CFAP77: variants seen among roughly 807,000 people sequenced by gnomAD.
CFAP77 encodes cilia- and flagella-associated protein 77.
A neutral mutation model predicts 31.1 loss-of-function variants in CFAP77; 25 were observed. The ratio of observed to expected loss-of-function variants is 0.80; its 90% confidence interval spans 0.59 to 1.12. CFAP77 has a LOEUF of 1.12. Ranked by LOEUF, CFAP77 falls within the 50% of genes most tolerant of loss-of-function variation. CFAP77 has a pLI of 0.00. For synonymous variants in CFAP77, 151 were observed against 159.9 expected (o/e 0.94, Z 0.42); for missense variants, 377 against 397.3 (o/e 0.95, Z 0.44).
intron 5 of CFAP77, among the ~76,000 whole-genome samples, chr9:132,559,346 C>CAAAAAAAAAAAAAAAAAAAA (rs35737685): frequency 0.033 from 1,824 of 56,024 alleles, 91 homozygotes; most frequent in Non-Finnish European, 0.043. Flanking sequence ...CTCTGTCTTG[C>CAAAAAAAAAAAAAAAAAAAA]AAAAAAAAAA....
At chr9:132,503,705 C>T (rs1295077212) in intron 3 of CFAP77, among the ~76,000 whole-genome samples, 4 of 152,166 alleles carry the variant, frequency 2.6e-5, no homozygotes, top group Non-Finnish European at 5.9e-5. Context: ...GTTCACACAA[C>T]CTCTTCATGG....
Position 132,490,552 on chromosome 9 carries a change from C to T in CFAP77, c.196-8143C>T, listed in dbSNP as rs780415224. Among the ~76,000 whole-genome samples, 12 of 152,190 alleles carry T rather than the reference C, an allele frequency of 7.9e-5. No homozygotes were observed. The highest frequency in any genetic ancestry group is 5.2e-4 in the Admixed American group (8 of 15,286). On this transcript the variant is annotated intron_variant, in intron 1 of 5. Transcript: ENST00000393216. This position sits in a 1 kb window ranked among gnomAD's most constrained non-coding sequence, Gnocchi z 4.6. ...TAGGCTTCTAGAAGGCCCCACTGGA[C>T]AAGCTGGGGAGGGAGGCCAAGGGTC...
At chr9:132,530,142 T>TC (rs1852415418) in intron 3 of CFAP77, among the ~76,000 whole-genome samples, 1 of 147,654 alleles carries the variant, frequency 6.8e-6, no homozygotes. Flanking sequence ...TTTTCTTTTT[T>TC]TTTTTTTTTT....
intron 1 of CFAP77, among the ~76,000 whole-genome samples, chr9:132,448,915 G>T (rs1850773227): frequency 6.6e-6 from 1 of 152,080 alleles, no homozygotes; most frequent in Non-Finnish European, 1.5e-5. Flanking sequence ...GAGCAGTCGG[G>T]GAGTGGAGAT....
rs1322788274 is a variant in CFAP77, at chr9:132,448,617, G to A, written c.195+38151G>A. 3.9e-5 allele frequency among the ~76,000 whole-genome samples: 6 copies of A among 152,020 alleles called. No homozygotes were observed. In the East Asian group the frequency reaches 1.2e-3, roughly 29 times the overall value. On this transcript the variant is annotated intron_variant, in intron 1 of 5. Transcript: ENST00000393216. ...TTTTTGCTTTTTGAGACAGAGTTTC[G>A]CTCTTGTTGCCCAGGCTGGAGTGCA...
At chr9:132,489,018 G>T (rs942817893) in intron 1 of CFAP77, among the ~76,000 whole-genome samples, 1 of 152,170 alleles carries the variant, frequency 6.6e-6, no homozygotes, top group Non-Finnish European at 1.5e-5. Flanking sequence ...GGAAAAAGGC[G>T]GTTTGAAGGC....
chr9:132,458,357 G>GGTGT lies in CFAP77; in HGVS notation c.196-40335_196-40332dup, dbSNP rs1554738862. On this transcript the variant is annotated intron_variant, in intron 1 of 5. Transcript: ENST00000393216. ...GTCTCCCTGGCGGGGGAGGGGGGGG[G>GGTGT]GTGTGTATGGAAGGCTCAGCTCATC... Among the ~76,000 whole-genome samples the GGTGT allele has an allele frequency of 8.1e-4, 97 of 119,058 alleles. 2 individuals are homozygous for GGTGT. The highest frequency in any genetic ancestry group is 2.6e-3 in the African/African-American group (81 of 30,978). The allele number at this position is 119,058 out of a possible 152,430, so 78.1% of individuals were successfully genotyped here.
At chr9:132,509,937 G>T (rs1210105177) in intron 3 of CFAP77, among the ~76,000 whole-genome samples, 1 of 152,148 alleles carries the variant, frequency 6.6e-6, no homozygotes, top group African/African-American at 2.4e-5. Flanking sequence ...AACTCCTGCT[G>T]CTCCTTCCTC....
rs1331850175 is a variant in CFAP77 at position 132,517,176 on chromosome 9, C to G, written c.524+17576C>G. ...GCCCAGCCCTCCAGCCTTCTCCCTC[C>G]TCCCAAACCAGCCATCTACGGTCTC... is the stretch of plus-strand genomic sequence containing the variant. On this transcript the variant is annotated intron_variant, in intron 3 of 5. Coordinates refer to ENST00000393216, the MANE Select transcript of CFAP77 (RefSeq NM_001282957.2). The surrounding 1 kb of genome is among the most constrained non-coding windows in gnomAD (Gnocchi z 4.7). 1.3e-5 allele frequency among the ~76,000 whole-genome samples: 2 copies of G among 152,196 alleles called. No individual in the cohort carries two copies. Among genetic ancestry groups the G allele is most frequent in the Non-Finnish European group, 2.9e-5 (2 of 68,042 alleles).
chr9:132,441,530 G>A (rs551446459), intron 1 of CFAP77, among the ~76,000 whole-genome samples: 19 of 152,244 alleles, frequency 1.2e-4, no homozygotes, highest in South Asian at 8.3e-4. Context: ...CCCGCTCCCC[G>A]CCAACCACAC....
rs1235555659 is a variant in CFAP77, at chr9:132,455,738, AC to A, written c.196-42956del. On this transcript the variant is annotated intron_variant, in intron 1 of 5. Coordinates refer to ENST00000393216, the MANE Select transcript of CFAP77 (RefSeq NM_001282957.2). The surrounding 1 kb of genome is among the most constrained non-coding windows in gnomAD (Gnocchi z 4.1). ...AGAGCAAGACTGTCTCAAAAACAAA[AC>A]AAAACAAAAAAGCAAAACGAACCCC... Among the ~76,000 whole-genome samples the A allele has an allele frequency of 2.0e-5, 3 of 152,236 alleles. No homozygotes were observed. The highest frequency in any genetic ancestry group is 4.4e-5 in the Non-Finnish European group (3 of 68,014).
rs933202478 is a variant in CFAP77 at position 132,539,289 on chromosome 9, G to A, written c.630+1583G>A. 7.9e-5 allele frequency among the ~76,000 whole-genome samples: 12 copies of A among 152,020 alleles called. No homozygotes were observed. Among genetic ancestry groups the A allele is most frequent in the African/African-American group, 2.9e-4 (12 of 41,382 alleles). The stretch of plus-strand genomic sequence containing the variant: ...TGGCTCCGGCGTGGCTAGTTGTCAT[G>A]ACAATCACAACCAGCACCCTCCCCA... On this transcript the variant is annotated intron_variant, in intron 4 of 5. Coordinates refer to ENST00000393216, the MANE Select transcript of CFAP77 (RefSeq NM_001282957.2). The surrounding 1 kb of genome is among the most constrained non-coding windows in gnomAD (Gnocchi z 4.3).
chr9:132,436,343 C>T (rs538920472), intron 1 of CFAP77, among the ~76,000 whole-genome samples: 46 of 152,276 alleles, frequency 3.0e-4, no homozygotes. Flanking sequence ...TACGAGGGCA[C>T]TTTTCGTTGA....
At chr9:132,544,168 C>T (rs927104557) in intron 5 of CFAP77, among the ~76,000 whole-genome samples, 2 of 152,204 alleles carry the variant, frequency 1.3e-5, no homozygotes, top group Admixed American at 6.5e-5. Flanking sequence ...CCCCCCTTGA[C>T]GCGGCCTCTC....
chr9:132,410,279 A>G lies in CFAP77; in HGVS notation c.8A>G (p.Glu3Gly). The G allele has an allele frequency of 6.4e-7, 1 of 1,572,984 alleles. No homozygotes were observed. Reference sequence around the variant, plus strand: ...TCCCCGGCGACCTCAAGGATGCCAGAGGCCAGGAGCTCCGGCCCGGACCTC... The same window carrying G: ...TCCCCGGCGACCTCAAGGATGCCAGGGGCCAGGAGCTCCGGCCCGGACCTC... MPEARSSGPDLTR... is the reference protein window; with the variant it reads MPGARSSGPDLTR... The change falls in exon 1 of 6, where the codon GAG becomes GGG. Residue 3 changes from glutamate to glycine, a missense_variant. By Grantham distance (98) the Glu-to-Gly change is moderately conservative. Coordinates refer to ENST00000393216, the MANE Select transcript of CFAP77 (RefSeq NM_001282957.2).
chr9:132,512,168 G>A (rs879381053), intron 3 of CFAP77, among the ~76,000 whole-genome samples: 2 of 152,170 alleles, frequency 1.3e-5, no homozygotes, highest in East Asian at 1.9e-4. Flanking sequence ...GAGGGTCTCC[G>A]ACCTCCTCCA....
rs143105815 is a variant in CFAP77, at chr9:132,465,158, A to T, written c.196-33537A>T. Among the ~76,000 whole-genome samples, 942 of 151,824 alleles carry T rather than the reference A, an allele frequency of 6.2e-3. 8 individuals are homozygous for T. Among genetic ancestry groups the T allele is most frequent in the Non-Finnish European group, 6.6e-3 (451 of 67,926 alleles). Reference sequence around the variant, plus strand: ...TTGACAGTTCCCTTGACTTCTTCCCAGTGCTTTTGTGGCAAGTTGTCTGAA... The same window carrying T: ...TTGACAGTTCCCTTGACTTCTTCCCTGTGCTTTTGTGGCAAGTTGTCTGAA... On this transcript the variant is annotated intron_variant, in intron 1 of 5. Transcript: ENST00000393216.
rs1387116272 is a variant in CFAP77 at position 132,499,554 on chromosome 9, G to A, written c.478G>A (p.Glu160Lys). ...CCAGGATGACCGGCGCATGAAGAAA[G>A]AGCCGCCCCCTCTCCCTCCAAACAT... ...SDQDDRRMKK[E>K]PPPLPPNMTF... is the part of the protein sequence containing the mutation. Residue 160 changes from glutamate (E) to lysine (K), a missense_variant, in exon 3 of 6, where the codon GAG becomes AAG. Glu to Lys is a moderately conservative substitution (Grantham distance 56). Transcript: ENST00000393216. The surrounding 1 kb of genome is among the most constrained non-coding windows in gnomAD (Gnocchi z 5.4). 1 of 1,614,218 alleles carries A rather than the reference G, an allele frequency of 6.2e-7. No homozygotes were observed. Among genetic ancestry groups the A allele is most frequent in the Non-Finnish European group, 8.5e-7 (1 of 1,180,040 alleles).
In CFAP77 at chr9:132,442,655, CT is replaced by C. The variant is rs141344128; in HGVS notation, c.195+32200del. 6.7e-3 allele frequency among the ~76,000 whole-genome samples: 991 copies of C among 146,942 alleles called. 3 individuals are homozygous for C. Among genetic ancestry groups the C allele is most frequent in the Middle Eastern group, 0.014 (4 of 282 alleles). Reference sequence around the variant, plus strand: ...TGTACTTGGAGATAATCATGCCCATCTTTTTTTTTTTCATCGAGGCAAAATT... The same window carrying C: ...TGTACTTGGAGATAATCATGCCCATCTTTTTTTTTTCATCGAGGCAAAATT... On this transcript the variant is annotated intron_variant, in intron 1 of 5. Coordinates refer to ENST00000393216, the MANE Select transcript of CFAP77 (RefSeq NM_001282957.2).
Sources: gnomAD v4.1 joint callset for allele counts (sites outside exome capture counted in the v4.1 genomes callset) on GRCh38, gnomAD v4.1.1 for gene constraint, Gnocchi (gnomAD v3.1) non-coding constraint, MANE v1.5 for transcripts, NCBI Gene and HGNC (gene_info 2026-07-23, HGNC 2026-07-21) for gene names.